SNRNP40: variants seen among roughly 807,000 people sequenced by gnomAD.
The protein encoded by SNRNP40 is small nuclear ribonucleoprotein U5 subunit 40.
A neutral mutation model predicts 45.8 loss-of-function variants in SNRNP40; 21 were observed. The observed-to-expected ratio is 0.46, with a 90% confidence interval of 0.32 to 0.66. The LOEUF is 0.66. Ranked by LOEUF, SNRNP40 falls within the 30% of genes least tolerant of loss-of-function variation. The pLI, the probability that SNRNP40 is intolerant of heterozygous loss-of-function variation, is 0.03. For synonymous variants in SNRNP40, 142 were observed against 163.8 expected (o/e 0.87, Z 1.01); for missense variants, 344 against 439.1 (o/e 0.78, Z 1.94).
At chr1:31,291,288 C>CAAAAAAA (rs55857301) in intron 3 of SNRNP40, among the ~76,000 whole-genome samples, 3 of 128,662 alleles carry the variant, frequency 2.3e-5, no homozygotes, top group Admixed American at 8.3e-5. Flanking sequence ...AATTCCGTCT[C>CAAAAAAA]AAAAAAAAAA....
At chr1:31,268,311 C>G in intron 7 of SNRNP40, among the ~76,000 whole-genome samples, 1 of 147,750 alleles carries the variant, frequency 6.8e-6, no homozygotes, top group Non-Finnish European at 1.5e-5. Context: ...GAGACAGGGT[C>G]TCGCTCTCTT....
chr1:31,296,645 T>TGCCCGGCTCCTGGGCCAG lies in SNRNP40; in HGVS notation c.89_106dup (p.Gly35_Gln36insProGlyProGlyAlaGly). On this transcript the variant is annotated inframe_insertion, in exon 1 of 10. Transcript: ENST00000263694. ...CAAGGCTCCCGGCGTCGCCTGCTGCTGCCCGGCTCCTGGGCCAGACCCCGC... is the reference window on the plus strand; with the variant it reads ...CAAGGCTCCCGGCGTCGCCTGCTGCTGCCCGGCTCCTGGGCCAGGCCCGGCTCCTGGGCCAGACCCCGC... 6.2e-7 allele frequency: 1 copy of TGCCCGGCTCCTGGGCCAG among 1,613,332 alleles called. No homozygotes were observed. The highest frequency in any genetic ancestry group is 8.5e-7 in the Non-Finnish European group (1 of 1,179,694).
At chr1:31,263,874 C>T (rs375439043) in intron 8 of SNRNP40, among the ~76,000 whole-genome samples, 1 of 138,344 alleles carries the variant, frequency 7.2e-6, no homozygotes, top group Non-Finnish European at 1.5e-5. Flanking sequence ...AATATACTCT[C>T]GTATTTTACT....
intron 4 of SNRNP40, among the ~76,000 whole-genome samples, chr1:31,286,980 T>C (rs1043069947): frequency 2.0e-5 from 3 of 152,242 alleles, no homozygotes; most frequent in Admixed American, 2.0e-4. Context: ...CTTAATTTTA[T>C]TAGAAGAATG....
intron 9 of SNRNP40, chr1:31,260,890 T>C: frequency 1.4e-6 from 1 of 738,610 alleles, no homozygotes; most frequent in Non-Finnish European, 1.7e-6. Flanking sequence ...AGTATCTTTC[T>C]TTTAATCAAA....
At chr1:31,283,672 T>C (rs1414870033) in intron 4 of SNRNP40, among the ~76,000 whole-genome samples, 1 of 152,164 alleles carries the variant, frequency 6.6e-6, no homozygotes, top group Non-Finnish European at 1.5e-5. Context: ...ACAACTACAA[T>C]AAGCAGCTCT....
At chr1:31,269,777 A>T (rs2148382202) in intron 6 of SNRNP40, 1 of 158,546 alleles carries the variant, frequency 6.3e-6, no homozygotes, top group Non-Finnish European at 1.4e-5. Flanking sequence ...CAGAAAAAGT[A>T]AACATTGATT....
intron 7 of SNRNP40, among the ~76,000 whole-genome samples, chr1:31,268,300 TGAG>T (rs1434787424): frequency 6.8e-6 from 1 of 146,776 alleles, no homozygotes. Flanking sequence ...TTTTTTTTTT[TGAG>T]ACAGGGTCTC....
At chr1:31,296,492 T>C (rs1250361197) in intron 1 of SNRNP40, 119 bp downstream of exon 1, 1 of 1,321,592 alleles carries the variant, frequency 7.6e-7, no homozygotes, top group Non-Finnish European at 1.0e-6. Flanking sequence ...GCTTTAACTC[T>C]GCGTAGAAAC....
chr1:31,267,127 G>A (rs1049663361), intron 8 of SNRNP40, among the ~76,000 whole-genome samples: 1 of 152,148 alleles, frequency 6.6e-6, no homozygotes, highest in Non-Finnish European at 1.5e-5. Flanking sequence ...AATGAAGAGG[G>A]AATGTGAGAG....
intron 1 of SNRNP40, 74 bp from the exon 2 acceptor site, chr1:31,293,422 G>T: frequency 1.4e-6 from 2 of 1,426,496 alleles, no homozygotes; most frequent in Non-Finnish European, 1.9e-6. Context: ...GGTGGGGAGT[G>T]GAGGGAAAAG....
intron 8 of SNRNP40, among the ~76,000 whole-genome samples, chr1:31,266,808 AG>A (rs1645900803): frequency 6.6e-6 from 1 of 152,244 alleles, no homozygotes; most frequent in Non-Finnish European, 1.5e-5. Context: ...TTCTTCAGCT[AG>A]GAATTCATTC....
At chr1:31,271,036 A>T (rs1018624655) in intron 6 of SNRNP40, among the ~76,000 whole-genome samples, 1 of 152,246 alleles carries the variant, frequency 6.6e-6, no homozygotes, top group East Asian at 1.9e-4. Context: ...AAAACGCACA[A>T]GAACTGCCTT....
chr1:31,270,511 G>T (rs943180739), intron 6 of SNRNP40, among the ~76,000 whole-genome samples: 3 of 152,272 alleles, frequency 2.0e-5, no homozygotes, highest in South Asian at 2.1e-4. Context: ...TATAGCCGTT[G>T]TAACTGAAGC....
intron 1 of SNRNP40, among the ~76,000 whole-genome samples, chr1:31,296,377 T>C (rs1026193663): frequency 3.3e-5 from 5 of 152,226 alleles, no homozygotes; most frequent in African/African-American, 1.2e-4. Flanking sequence ...TCAACTCTAA[T>C]TCTAATGCTA....
At chr1:31,287,919 C>T (rs1032881229) in intron 4 of SNRNP40, among the ~76,000 whole-genome samples, 5 of 152,186 alleles carry the variant, frequency 3.3e-5, no homozygotes, top group African/African-American at 9.7e-5. Flanking sequence ...ACTGCTTGAA[C>T]CCAGGAGGTA....
chr1:31,268,834 T>C (rs990039017), intron 7 of SNRNP40, among the ~76,000 whole-genome samples: 2 of 152,086 alleles, frequency 1.3e-5, no homozygotes, highest in African/African-American at 2.4e-5. Flanking sequence ...CTATGGGAGC[T>C]TGGGTTCCAT....
intron 9 of SNRNP40, among the ~76,000 whole-genome samples, chr1:31,260,728 G>A (rs1369787494): frequency 6.6e-6 from 1 of 151,398 alleles, no homozygotes; most frequent in South Asian, 2.1e-4. Context: ...CAGGTGTGGT[G>A]GTGGGTGCCT....
chr1:31,268,965 C>T (rs762116233), intron 7 of SNRNP40, among the ~76,000 whole-genome samples, 193 bp downstream of exon 7: 10 of 152,162 alleles, frequency 6.6e-5, no homozygotes, highest in Non-Finnish European at 1.3e-4. Context: ...TCCTTTTGGG[C>T]TATATGACTG....
Sources: gnomAD v4.1 joint callset for allele counts (sites outside exome capture counted in the v4.1 genomes callset) on GRCh38, gnomAD v4.1.1 for gene constraint, MANE v1.5 for transcripts, NCBI Gene and HGNC (gene_info 2026-07-23, HGNC 2026-07-21) for gene names.